The following GLIS3 variants were observed in gnomAD, a reference collection of about 807,000 sequenced individuals.
GLIS3 encodes zinc finger protein GLIS3.
In GLIS3, 53 loss-of-function variants were observed where a neutral mutation model predicts 78.6. That is an observed-to-expected ratio of 0.67 (90% CI 0.54 to 0.85). The LOEUF is 0.85. Ranked by LOEUF, GLIS3 falls within the 40% of genes least tolerant of loss-of-function variation. The pLI is 0.00. For synonymous variants in GLIS3, 684 were observed against 509.9 expected, an observed-to-expected ratio of 1.34 and a Z score of -4.60; for missense variants, 1,703 against 1,231.1, an observed-to-expected ratio of 1.38 and a Z score of -5.74.
chr9:3,963,684 T>C (rs912884167), intron 4 of GLIS3, among the ~76,000 whole-genome samples: 1 of 152,182 alleles, frequency 6.6e-6, no homozygotes, highest in African/African-American at 2.4e-5. Context: ...TCTGCTTTGT[T>C]CTTCAGCTTT....
chr9:4,174,559 A>G (rs1816655794), intron 2 of GLIS3, among the ~76,000 whole-genome samples: 2 of 152,244 alleles, frequency 1.3e-5, no homozygotes, highest in African/African-American at 4.8e-5. Flanking sequence ...TGATTCCTAT[A>G]TATATAATCA....
At chr9:4,398,065 G>A in the GLIS3 span, among the ~76,000 whole-genome samples, 8 of 151,972 alleles carry the variant, frequency 5.3e-5, 1 homozygote, top group African/African-American at 1.9e-4. Flanking sequence ...CCCTTCTTAA[G>A]AAAGCAGTTT....
At chr9:4,036,728 C>T (rs1055084302) in intron 4 of GLIS3, among the ~76,000 whole-genome samples, 1 of 152,084 alleles carries the variant, frequency 6.6e-6, no homozygotes, top group African/African-American at 2.4e-5. Context: ...TAATTCCCAC[C>T]ATAGTGATTA....
intron 2 of GLIS3, among the ~76,000 whole-genome samples, chr9:4,341,548 C>A (rs1349705289): frequency 6.6e-6 from 1 of 152,206 alleles, no homozygotes; most frequent in Non-Finnish European, 1.5e-5. Flanking sequence ...TTCCCTCATT[C>A]TCTTCTGTCC....
intron 2 of GLIS3, among the ~76,000 whole-genome samples, chr9:4,167,566 G>A (rs989095550): frequency 6.6e-6 from 1 of 152,150 alleles, no homozygotes; most frequent in Non-Finnish European, 1.5e-5. Flanking sequence ...CACAACAGGT[G>A]CCCAATATAT....
intron 2 of GLIS3, among the ~76,000 whole-genome samples, chr9:4,213,185 C>T (rs964685339): frequency 6.6e-6 from 1 of 152,086 alleles, no homozygotes; most frequent in Non-Finnish European, 1.5e-5. Flanking sequence ...CTTTCTACTC[C>T]AGCTGTTTCC....
At chr9:4,403,960 G>A in the GLIS3 span, among the ~76,000 whole-genome samples, 3 of 152,174 alleles carry the variant, frequency 2.0e-5, no homozygotes, top group East Asian at 5.8e-4. Flanking sequence ...AAGATCCAAT[G>A]ATCTGTTGCC....
intron 2 of GLIS3, among the ~76,000 whole-genome samples, chr9:4,223,144 C>T (rs1434409272): frequency 6.6e-6 from 1 of 152,162 alleles, no homozygotes; most frequent in Non-Finnish European, 1.5e-5. Flanking sequence ...CCAAATTTTT[C>T]ATTTTACAAC....
At chr9:4,164,633 T>C (rs1445607880) in intron 2 of GLIS3, among the ~76,000 whole-genome samples, 3 of 152,152 alleles carry the variant, frequency 2.0e-5, no homozygotes, top group Admixed American at 6.5e-5. Flanking sequence ...ATGGCTTTTA[T>C]CCCTCCAAAG....
chr9:3,946,196 G>C (rs1325115297), intron 4 of GLIS3, among the ~76,000 whole-genome samples: 3 of 152,166 alleles, frequency 2.0e-5, no homozygotes, highest in African/African-American at 7.2e-5. Flanking sequence ...TATAGTAATT[G>C]GATTGTTTGT....
At chr9:4,220,844 G>T (rs1262292005) in intron 2 of GLIS3, among the ~76,000 whole-genome samples, 3 of 152,080 alleles carry the variant, frequency 2.0e-5, no homozygotes, top group Non-Finnish European at 4.4e-5. Context: ...AATTAACCAG[G>T]CATGGAGGTA....
intron 2 of GLIS3, among the ~76,000 whole-genome samples, chr9:4,154,651 A>G (rs10119616): frequency 0.26 from 38,917 of 152,038 alleles, 6,979 homozygotes; most frequent in African/African-American, 0.51. Context: ...GGCCTAACCA[A>G]TTCACAAAAT....
intron 8 of GLIS3, among the ~76,000 whole-genome samples, chr9:3,877,791 T>G (rs1243277158): frequency 6.6e-6 from 1 of 151,386 alleles, no homozygotes; most frequent in African/African-American, 2.5e-5. Flanking sequence ...TCACAAGGCC[T>G]CCTGCAATAT....
the GLIS3 span, among the ~76,000 whole-genome samples, chr9:4,444,385 T>C: frequency 6.6e-6 from 1 of 152,210 alleles, no homozygotes; most frequent in Non-Finnish European, 1.5e-5. Flanking sequence ...CCCCTAACCT[T>C]CCTGTCTGCA....
At chr9:4,307,387 C>G (rs1022964668) in intron 4 of GLIS3, among the ~76,000 whole-genome samples, 1 of 152,162 alleles carries the variant, frequency 6.6e-6, no homozygotes, top group African/African-American at 2.4e-5. Flanking sequence ...TGATACTGAA[C>G]TTCCTGTAGT....
At chr9:4,298,018 C>A (rs1312957479) in intron 1 of GLIS3, among the ~76,000 whole-genome samples, 1 of 152,200 alleles carries the variant, frequency 6.6e-6, no homozygotes. Context: ...CCGCCGCCTC[C>A]GCCCCTAACC....
intron 8 of GLIS3, among the ~76,000 whole-genome samples, chr9:3,873,845 A>C (rs901496747): frequency 4.7e-5 from 7 of 147,390 alleles, no homozygotes; most frequent in East Asian, 4.0e-4. Flanking sequence ...ACTAAAAAAA[A>C]CTGGCATTCC....
chr9:4,322,987 A>T (rs143489461), intron 2 of GLIS3, among the ~76,000 whole-genome samples: 2 of 152,166 alleles, frequency 1.3e-5, no homozygotes, highest in African/African-American at 4.8e-5. Context: ...GTCCTTGCCC[A>T]TGCCTATGTC....
At chr9:4,000,074 A>G (rs1213670377) in intron 4 of GLIS3, among the ~76,000 whole-genome samples, 1 of 152,202 alleles carries the variant, frequency 6.6e-6, no homozygotes, top group African/African-American at 2.4e-5. Context: ...GCTTGAAAAA[A>G]TCCAAATATC....
Sources: allele counts gnomAD v4.1 joint callset (sites outside exome capture counted in the v4.1 genomes callset), GRCh38; gene constraint gnomAD v4.1.1; transcripts MANE v1.5; gene names NCBI Gene and HGNC (gene_info 2026-07-23, HGNC 2026-07-21).